PSD3: variants seen among roughly 807,000 people sequenced by gnomAD.
The protein encoded by PSD3 is PH and SEC7 domain-containing protein 3.
A neutral mutation model predicts 105.5 loss-of-function variants in PSD3; 49 were observed. The ratio of observed to expected loss-of-function variants is 0.46; its 90% CI spans 0.37 to 0.59. PSD3 has a LOEUF of 0.59. PSD3 is among the 20% of genes least tolerant of loss of function. The probability of loss-of-function intolerance (pLI) is 0.00; values close to 1 mark genes in which losing one functional copy is unlikely to be tolerated. For missense variants in PSD3, 1,561 were observed against 1,263.8 expected (o/e 1.24, Z -3.57); for synonymous variants, 557 against 457.8 (o/e 1.22, Z -2.77).
intron 8 of PSD3, among the ~76,000 whole-genome samples, chr8:18,776,301 T>C (rs1808071486): frequency 6.8e-6 from 1 of 146,440 alleles, no homozygotes; most frequent in African/African-American, 2.5e-5. Flanking sequence ...AATGTATAAA[T>C]ATATATAGTA....
In PSD3 at chr8:18,682,835, G is replaced by A. The variant is rs544724382; in HGVS notation, c.2173-27150C>T. On this transcript the variant is annotated intron_variant, in intron 9 of 15. Transcript: ENST00000327040. ...AGTGGTGGGAGGGTGAAGAAAGCCT[G>A]ATGTCACTCTCAGTGGGTCTGGATA... is the stretch of plus-strand genomic sequence containing the variant. Among the ~76,000 whole-genome samples the A allele has an allele frequency of 3.3e-5, 5 of 152,194 alleles. No homozygotes were observed. In the East Asian group the frequency reaches 7.7e-4, roughly 24 times the overall value.
Position 18,823,498 on chromosome 8 carries a change from T to C in PSD3, c.1635-18600A>G, listed in dbSNP as rs891387667. Among the ~76,000 whole-genome samples the C allele has an allele frequency of 2.0e-5, 3 of 152,196 alleles. No individual in the cohort carries two copies. The South Asian group carries it at 6.2e-4, about 32-fold the overall frequency. ...AGAGGTATGAAAAGTCCTGCCCTAT[T>C]GATGATCAAACCGCCTTCTGGGTCC... On this transcript the variant is annotated intron_variant, in intron 4 of 15. Coordinates refer to ENST00000327040, the MANE Select transcript of PSD3 (RefSeq NM_015310.4).
intron 4 of PSD3, among the ~76,000 whole-genome samples, chr8:18,827,860 T>A (rs975037682): frequency 6.6e-6 from 1 of 150,662 alleles, no homozygotes; most frequent in African/African-American, 2.4e-5. Flanking sequence ...CCTTGGTGAA[T>A]CATAGTGCCT....
chr8:18,682,666 C>T (rs955144035), intron 9 of PSD3, among the ~76,000 whole-genome samples: 1 of 152,112 alleles, frequency 6.6e-6, no homozygotes, highest in Non-Finnish European at 1.5e-5. Context: ...GAATAGGAAG[C>T]CAACATATTT....
intron 1 of PSD3, among the ~76,000 whole-genome samples, chr8:18,993,743 A>C (rs11990313): frequency 6.6e-6 from 1 of 152,060 alleles, no homozygotes; most frequent in Non-Finnish European, 1.5e-5. Flanking sequence ...TAAATCGAAG[A>C]TCAATCAGAA....
At chr8:18,914,950 G>T (rs1007557047) in intron 2 of PSD3, among the ~76,000 whole-genome samples, 1 of 152,084 alleles carries the variant, frequency 6.6e-6, no homozygotes, top group African/African-American at 2.4e-5. Flanking sequence ...ACTGCAAAAT[G>T]TACTACGAAA....
At chr8:19,081,991 G>A (rs1222938375) in intron 1 of PSD3, among the ~76,000 whole-genome samples, 1 of 152,120 alleles carries the variant, frequency 6.6e-6, no homozygotes, top group Non-Finnish European at 1.5e-5. Flanking sequence ...CATCCACAGT[G>A]GTCAAGAAGA....
chr8:18,737,564 A>G (rs1804247808), intron 9 of PSD3, among the ~76,000 whole-genome samples: 1 of 152,128 alleles, frequency 6.6e-6, no homozygotes, highest in Admixed American at 6.5e-5. Context: ...GGCCTCCCAG[A>G]GTGCTGGGAT....
At chr8:18,616,161 T>G (rs1361982897) in intron 11 of PSD3, among the ~76,000 whole-genome samples, 1 of 152,266 alleles carries the variant, frequency 6.6e-6, no homozygotes, top group Non-Finnish European at 1.5e-5. Context: ...GAAAACGGTC[T>G]GCTACAGACT....
chr8:19,079,373 T>C (rs923369181), intron 1 of PSD3, among the ~76,000 whole-genome samples: 4 of 152,258 alleles, frequency 2.6e-5, no homozygotes, highest in Non-Finnish European at 5.9e-5. Flanking sequence ...ACATTTAATC[T>C]ATATATCTGT....
chr8:18,915,272 C>T (rs1586411940), intron 2 of PSD3, among the ~76,000 whole-genome samples: 1 of 152,102 alleles, frequency 6.6e-6, no homozygotes, highest in Admixed American at 6.6e-5. Flanking sequence ...GGCTTCTTGA[C>T]ACTCGTCTAG....
At chr8:18,582,064 C>A (rs1207618309) in intron 12 of PSD3, among the ~76,000 whole-genome samples, 2 of 151,936 alleles carry the variant, frequency 1.3e-5, no homozygotes, top group African/African-American at 4.8e-5. Context: ...CAATCAACAA[C>A]AGGAAAGAAA....
chr8:19,082,612 C>T (rs190281334), intron 1 of PSD3, among the ~76,000 whole-genome samples: 13 of 152,278 alleles, frequency 8.5e-5, no homozygotes, highest in Admixed American at 8.5e-4. Flanking sequence ...GAGATCCACA[C>T]ACTTGGACCA....
At chr8:18,573,102 C>T (rs1802244217) in intron 13 of PSD3, among the ~76,000 whole-genome samples, 1 of 152,184 alleles carries the variant, frequency 6.6e-6, no homozygotes, top group Non-Finnish European at 1.5e-5. Context: ...CTGACAGGTT[C>T]TTCGAAAGTT....
At chr8:18,921,809 G>A (rs1349714999) in intron 2 of PSD3, among the ~76,000 whole-genome samples, 1 of 152,182 alleles carries the variant, frequency 6.6e-6, no homozygotes, top group Non-Finnish European at 1.5e-5. Context: ...AATGAGTAAG[G>A]CAGGCAAGGT....
intron 9 of PSD3, among the ~76,000 whole-genome samples, chr8:18,712,730 T>G (rs1563191707): frequency 6.6e-6 from 1 of 152,198 alleles, no homozygotes; most frequent in African/African-American, 2.4e-5. Flanking sequence ...TACCATTTCA[T>G]GCGAAACTAT....
At chr8:19,028,923 T>C (rs1308634094) in intron 1 of PSD3, among the ~76,000 whole-genome samples, 1 of 152,204 alleles carries the variant, frequency 6.6e-6, no homozygotes, top group African/African-American at 2.4e-5. Flanking sequence ...TCTAATTCCA[T>C]TCTTGAAAAG....
chr8:18,544,402 A>G (rs1281851156), intron 15 of PSD3, among the ~76,000 whole-genome samples: 2 of 151,754 alleles, frequency 1.3e-5, no homozygotes, highest in African/African-American at 4.8e-5. Context: ...TGGAAATAAC[A>G]TTTTTAAAAA....
intron 9 of PSD3, among the ~76,000 whole-genome samples, chr8:18,763,379 T>G (rs971070116): frequency 1.4e-4 from 21 of 152,188 alleles, no homozygotes; most frequent in African/African-American, 3.9e-4. Context: ...AAAGAGAGAA[T>G]GACCATGATA....
Sources: gnomAD v4.1 joint callset for allele counts (sites outside exome capture counted in the v4.1 genomes callset) on GRCh38, gnomAD v4.1.1 for gene constraint, MANE v1.5 for transcripts, NCBI Gene and HGNC (gene_info 2026-07-23, HGNC 2026-07-21) for gene names.